The following GPHN variants were observed in gnomAD, a reference collection of about 807,000 sequenced individuals.
GPHN encodes the protein gephyrin.
A neutral mutation model predicts 95.5 loss-of-function variants in GPHN; 17 were observed. That is an observed-to-expected ratio of 0.18 (90% CI 0.12 to 0.27). The LOEUF is 0.27. Among genes scored for constraint, GPHN ranks in the 10% least tolerant of loss-of-function variants. The probability of loss-of-function intolerance (pLI) is 1.00; values close to 1 mark genes in which losing one functional copy is unlikely to be tolerated. For missense variants in GPHN, 660 were observed against 978.1 expected (o/e 0.67, Z 4.34); for synonymous variants, 320 against 322.5 (o/e 0.99, Z 0.08).
chr14:67,155,519 A>C (rs2081533339), intron 18 of GPHN, among the ~76,000 whole-genome samples: 1 of 152,212 alleles, frequency 6.6e-6, no homozygotes, highest in South Asian at 2.1e-4. Flanking sequence ...TTATATGTTT[A>C]AGAAAAAGGG....
At chr14:66,589,218 G>C (rs1186289945) in intron 1 of GPHN, among the ~76,000 whole-genome samples, 3 of 152,060 alleles carry the variant, frequency 2.0e-5, no homozygotes, top group African/African-American at 7.2e-5. Context: ...TTCCTCACAA[G>C]AGCTCCTGAT....
intron 1 of GPHN, among the ~76,000 whole-genome samples, chr14:66,513,980 T>A (rs2058142924): frequency 6.6e-6 from 1 of 151,878 alleles, no homozygotes; most frequent in Admixed American, 6.6e-5. Context: ...GAATTCTTAA[T>A]TTGAAAAATA....
chr14:66,799,653 G>T (rs1344468287), intron 3 of GPHN, among the ~76,000 whole-genome samples: 1 of 151,580 alleles, frequency 6.6e-6, no homozygotes, highest in Non-Finnish European at 1.5e-5. Flanking sequence ...TGTTTTTATT[G>T]GCATGGAATA....
the GPHN span, among the ~76,000 whole-genome samples, chr14:67,504,771 G>A: frequency 6.6e-6 from 1 of 152,098 alleles, no homozygotes; most frequent in African/African-American, 2.4e-5. Context: ...CATAATCCCA[G>A]CTACTCGGGA....
the GPHN span, among the ~76,000 whole-genome samples, chr14:67,371,708 A>G: frequency 2.6e-5 from 4 of 152,194 alleles, no homozygotes; most frequent in Non-Finnish European, 5.9e-5. Context: ...CAGTATTATA[A>G]TCTTAACAGC....
intron 2 of GPHN, among the ~76,000 whole-genome samples, chr14:66,746,792 AG>A (rs1338981246): frequency 1.3e-5 from 2 of 152,146 alleles, no homozygotes; most frequent in African/African-American, 2.4e-5. Flanking sequence ...ACAGGGACAT[AG>A]GGAAAAAATT....
chr14:66,822,474 C>T (rs1161973412), intron 3 of GPHN, among the ~76,000 whole-genome samples: 1 of 152,194 alleles, frequency 6.6e-6, no homozygotes, highest in African/African-American at 2.4e-5. Context: ...TTCCATTGTG[C>T]ACCCAAGGAT....
chr14:67,290,769 A>C, the GPHN span, among the ~76,000 whole-genome samples: 3 of 152,088 alleles, frequency 2.0e-5, no homozygotes, highest in Non-Finnish European at 4.4e-5. Flanking sequence ...TCCTGGACTC[A>C]AGCAGTCCAC....
chr14:67,645,866 T>C, the GPHN span: 2 of 1,571,528 alleles, frequency 1.3e-6, no homozygotes, highest in South Asian at 2.4e-5. Context: ...GTTGGTCTAG[T>C]TCAGTTAAGA....
In GPHN at chr14:66,678,563, G is replaced by A. The variant is rs887346960; in HGVS notation, c.65-2544G>A. 2.7e-5 allele frequency among the ~76,000 whole-genome samples: 4 copies of A among 148,294 alleles called. No individual in the cohort carries two copies. The East Asian group carries it at 8.5e-4, about 31-fold the overall frequency. The stretch of plus-strand genomic sequence containing the variant: ...TTTTAAAAGATTATTATTTAAATTT[G>A]TTAAGGTATTTCATAGATTTTCTTT... On this transcript the variant is annotated intron_variant, in intron 1 of 22. Transcript: ENST00000478722.
At chr14:67,326,615 C>T in the GPHN span, among the ~76,000 whole-genome samples, 1 of 152,196 alleles carries the variant, frequency 6.6e-6, no homozygotes, top group East Asian at 1.9e-4. Flanking sequence ...TCTTATGCCC[C>T]TTTGAAGTTA....
chr14:67,393,439 A>G, the GPHN span, among the ~76,000 whole-genome samples: 1 of 151,952 alleles, frequency 6.6e-6, no homozygotes, highest in African/African-American at 2.4e-5. Flanking sequence ...ATGATGATTG[A>G]TTTTTGTTGT....
At chr14:67,008,835 C>A (rs1164418167) in intron 9 of GPHN, among the ~76,000 whole-genome samples, 1 of 152,172 alleles carries the variant, frequency 6.6e-6, no homozygotes, top group Non-Finnish European at 1.5e-5. Context: ...GTGTTAGCTA[C>A]TGTACCCAGC....
At chr14:66,781,736 A>G (rs1353473431) in intron 3 of GPHN, among the ~76,000 whole-genome samples, 1 of 152,180 alleles carries the variant, frequency 6.6e-6, no homozygotes. Flanking sequence ...GTTTAATTGT[A>G]AAATACACCA....
At chr14:66,713,401 C>T (rs1005617228) in intron 2 of GPHN, among the ~76,000 whole-genome samples, 4 of 152,110 alleles carry the variant, frequency 2.6e-5, no homozygotes, top group African/African-American at 7.2e-5. Context: ...TGTCCTTTCC[C>T]CACTTTATGT....
rs143103154 is a variant in GPHN, at chr14:66,895,602, A to G, written c.389+15569A>G. 9.4e-3 allele frequency among the ~76,000 whole-genome samples: 1,431 copies of G among 152,310 alleles called. 30 individuals carry two copies. Among genetic ancestry groups the G allele is most frequent in the African/African-American group, 0.033 (1,392 of 41,574 alleles). On this transcript the variant is annotated intron_variant, in intron 5 of 22. Coordinates refer to ENST00000478722, the MANE Select transcript of GPHN (RefSeq NM_020806.5). ...AAAAATACTTGAAACAGAAGATACT[A>G]GAATAATACTTTCAATGTGCTGAAA... is the stretch of plus-strand genomic sequence containing the variant.
the GPHN span, chr14:67,381,754 C>A: frequency 9.9e-5 from 103 of 1,043,616 alleles, no homozygotes; most frequent in Non-Finnish European, 1.3e-4. Flanking sequence ...GATCTTTGAT[C>A]TTTGTTTCTT....
intron 4 of GPHN, among the ~76,000 whole-genome samples, chr14:66,847,708 A>G (rs1455106210): frequency 6.6e-6 from 1 of 152,192 alleles, no homozygotes; most frequent in Non-Finnish European, 1.5e-5. Flanking sequence ...ATGGCTGAAG[A>G]TGTAGCTTCC....
intron 5 of GPHN, among the ~76,000 whole-genome samples, chr14:66,898,523 C>T (rs1319950946): frequency 6.9e-6 from 1 of 145,326 alleles, no homozygotes. Context: ...GGCTTTTGCA[C>T]CTTTGTTGAA....
Sources: gnomAD v4.1 joint callset for allele counts (sites outside exome capture counted in the v4.1 genomes callset) on GRCh38, gnomAD v4.1.1 for gene constraint, MANE v1.5 for transcripts, NCBI Gene and HGNC (gene_info 2026-07-23, HGNC 2026-07-21) for gene names.